STK31: variants seen among roughly 807,000 people sequenced by gnomAD.
STK31 encodes serine/threonine kinase 31, also known as serine/threonine-protein kinase 31.
A neutral mutation model predicts 129.7 loss-of-function variants in STK31; 89 were observed. That is an observed-to-expected ratio of 0.69 (90% CI 0.58 to 0.82). STK31 has a LOEUF of 0.82. Among genes scored for constraint, STK31 ranks in the 40% least tolerant of loss-of-function variants. The probability of loss-of-function intolerance (pLI) is 0.00; values close to 1 mark genes in which losing one functional copy is unlikely to be tolerated. For missense variants in STK31, 1,187 were observed against 1,176.4 expected (o/e 1.01, Z -0.13); for synonymous variants, 448 against 395.3 (o/e 1.13, Z -1.58).
At chr7:23,759,632 C>A (rs1483415979) in intron 10 of STK31, among the ~76,000 whole-genome samples, 2 of 152,152 alleles carry the variant, frequency 1.3e-5, no homozygotes, top group African/African-American at 2.4e-5. Flanking sequence ...GTAGCAAAAT[C>A]TTTTCCCTTT....
intron 22 of STK31, among the ~76,000 whole-genome samples, chr7:23,801,885 T>C (rs1437271081): frequency 1.3e-5 from 2 of 152,204 alleles, no homozygotes; most frequent in Non-Finnish European, 2.9e-5. Flanking sequence ...TTTCTGCTGT[T>C]GATCTGTGTG....
chr7:23,729,845 A>T (rs1329407566), intron 6 of STK31, among the ~76,000 whole-genome samples: 3 of 152,190 alleles, frequency 2.0e-5, no homozygotes, highest in African/African-American at 7.2e-5. Flanking sequence ...AAAATAATGA[A>T]TACAGTTATT....
chr7:23,795,601 T>C (rs114512884), intron 22 of STK31, among the ~76,000 whole-genome samples: 211 of 152,230 alleles, frequency 1.4e-3, no homozygotes, highest in African/African-American at 4.8e-3. Context: ...CAGATCACAC[T>C]GTGTGCCTGG....
chr7:23,774,854 G>A (rs1050649788), intron 15 of STK31, among the ~76,000 whole-genome samples: 1 of 152,182 alleles, frequency 6.6e-6, no homozygotes, highest in Non-Finnish European at 1.5e-5. Context: ...CCTTGCCCAT[G>A]CCTATGTCCT....
chr7:23,765,533 C>G lies in STK31; in HGVS notation c.1416+2610C>G, dbSNP rs1413924570. Among the ~76,000 whole-genome samples, 10 of 145,228 alleles carry G rather than the reference C, an allele frequency of 6.9e-5. No homozygotes were observed. The East Asian group carries it at 2.0e-3, about 30-fold the overall frequency. On this transcript the variant is annotated intron_variant, in intron 11 of 23. Coordinates refer to ENST00000355870, the MANE Select transcript of STK31 (RefSeq NM_031414.5). Reference sequence around the variant, plus strand: ...TGTTTATCATCGTTTCTTTTTCTCTCTTTTTCTAACTTACACCTCTTATAC... The same window carrying G: ...TGTTTATCATCGTTTCTTTTTCTCTGTTTTTCTAACTTACACCTCTTATAC...
chr7:23,782,471 C>CAAAAAAAA (rs66962254), intron 16 of STK31, among the ~76,000 whole-genome samples: 8 of 84,520 alleles, frequency 9.5e-5, no homozygotes, highest in African/African-American at 2.2e-4. Context: ...GACCCTGTCT[C>CAAAAAAAA]AAAAAAAAAA....
chr7:23,746,347 C>G (rs1245096763), intron 8 of STK31, among the ~76,000 whole-genome samples: 1 of 152,178 alleles, frequency 6.6e-6, no homozygotes, highest in Non-Finnish European at 1.5e-5. Context: ...CCCTTCTATG[C>G]ATTGAGGAGC....
chr7:23,727,496 C>T (rs1787155199), intron 5 of STK31, 181 bp downstream of exon 5: 19 of 437,290 alleles, frequency 4.3e-5, no homozygotes, highest in South Asian at 4.2e-4. Context: ...TCAGATTATT[C>T]AAGAATAGAT....
chr7:23,769,639 G>A lies in STK31; in HGVS notation c.1597-1G>A. Reference sequence around the variant, plus strand: ...TTCATGTGTTTATTTTTGCAAATGAGGTTTTTGACCTATCTGTGGAAGGAT... The same window carrying A: ...TTCATGTGTTTATTTTTGCAAATGAAGTTTTTGACCTATCTGTGGAAGGAT... On this transcript the variant is annotated splice_acceptor_variant, in intron 12 of 23. Coordinates refer to ENST00000355870, the MANE Select transcript of STK31 (RefSeq NM_031414.5). LOFTEE classifies it high-confidence loss of function. The A allele has an allele frequency of 6.3e-7, 1 of 1,595,490 alleles. No individual in the cohort carries two copies. The highest frequency in any genetic ancestry group is 1.1e-5 in the South Asian group (1 of 88,506).
chr7:23,789,458 C>T (rs1459642129), intron 21 of STK31, among the ~76,000 whole-genome samples: 1 of 152,054 alleles, frequency 6.6e-6, no homozygotes, highest in African/African-American at 2.4e-5. Flanking sequence ...GAGCAATTCC[C>T]TTTGACTAGT....
At chr7:23,828,477 C>T (rs904873133) in intron 23 of STK31, among the ~76,000 whole-genome samples, 10 of 152,208 alleles carry the variant, frequency 6.6e-5, no homozygotes, top group Non-Finnish European at 1.2e-4. Flanking sequence ...ACCCGATTTT[C>T]CAGGTGCCAT....
intron 22 of STK31, among the ~76,000 whole-genome samples, chr7:23,808,056 C>T (rs1584480127): frequency 1.3e-5 from 2 of 151,118 alleles, no homozygotes; most frequent in South Asian, 4.2e-4. Context: ...TTTTCTCAGT[C>T]AAGTTGAGAT....
intron 10 of STK31, among the ~76,000 whole-genome samples, chr7:23,756,959 GT>G (rs1317897469): frequency 6.6e-6 from 1 of 151,990 alleles, no homozygotes; most frequent in African/African-American, 2.4e-5. Flanking sequence ...TTCTTTTTTT[GT>G]TGTGTCTTTT....
chr7:23,819,275 A>G (rs1793651107), intron 23 of STK31, among the ~76,000 whole-genome samples: 1 of 152,218 alleles, frequency 6.6e-6, no homozygotes. Context: ...GCATTCATTC[A>G]TTTATCAAAT....
intron 22 of STK31, among the ~76,000 whole-genome samples, chr7:23,798,064 C>A (rs1792089409): frequency 6.6e-6 from 1 of 152,080 alleles, no homozygotes; most frequent in South Asian, 2.1e-4. Context: ...AAGTCGAATC[C>A]CTGAATAGAC....
rs1785840662 is a variant in STK31 at position 23,710,227 on chromosome 7, A to G, written c.-59A>G. The G allele has an allele frequency of 1.2e-6, 2 of 1,611,442 alleles. No individual in the cohort carries two copies. The highest frequency in any genetic ancestry group is 1.3e-5 in the African/African-American group (1 of 74,994). ...CGCAGTGTGGGGCCCTTGCGGTCGA[A>G]GCTCACGCGGTAAGCCGCTGCACGT... On this transcript the variant is annotated 5_prime_UTR_variant, in exon 1 of 24. Transcript: ENST00000355870.
intron 7 of STK31, among the ~76,000 whole-genome samples, chr7:23,736,584 C>A (rs10265773): frequency 4.2e-4 from 31 of 74,160 alleles, no homozygotes; most frequent in East Asian, 6.6e-4. Flanking sequence ...GGGGGGATCA[C>A]GGGGGGGGGA....
intron 23 of STK31, among the ~76,000 whole-genome samples, chr7:23,831,322 T>G (rs1794532524): frequency 6.6e-6 from 1 of 152,246 alleles, no homozygotes; most frequent in South Asian, 2.1e-4. Context: ...AATTGTTACA[T>G]TCTCTTGCTG....
intron 6 of STK31, among the ~76,000 whole-genome samples, chr7:23,730,878 A>ATATATATTTTTTTTTTTT: frequency 5.0e-5 from 3 of 59,554 alleles, no homozygotes; most frequent in Admixed American, 2.7e-4. Flanking sequence ...ATATATATAT[A>ATATATATTTTTTTTTTTT]TTTTTTTTTT....
Sources: gnomAD v4.1 joint callset for allele counts (sites outside exome capture counted in the v4.1 genomes callset) on GRCh38, gnomAD v4.1.1 for gene constraint, MANE v1.5 for transcripts, NCBI Gene and HGNC (gene_info 2026-07-23, HGNC 2026-07-21) for gene names.